Variants in MLLT3 observed in about 807,000 individuals in gnomAD.
MLLT3 encodes protein AF-9.
In MLLT3, 4 loss-of-function variants were observed where a neutral mutation model predicts 53.2. The observed-to-expected ratio is 0.08, with a 90% CI of 0.04 to 0.17. The LOEUF is 0.17. MLLT3 is among the 10% of genes least tolerant of loss of function. The pLI, the probability that MLLT3 is intolerant of heterozygous loss-of-function variation, is 1.00. For synonymous variants in MLLT3, 283 were observed against 230.6 expected, an observed-to-expected ratio of 1.23 and a Z score of -2.06; for missense variants, 569 against 684.0, an observed-to-expected ratio of 0.83 and a Z score of 1.87.
chr9:20,517,124 A>G lies in MLLT3; in HGVS notation c.194-60338T>C, dbSNP rs1817935837. Among the ~76,000 whole-genome samples, 2 of 152,210 alleles carry G rather than the reference A, an allele frequency of 1.3e-5. 1 individual carries two copies. Among genetic ancestry groups the G allele is most frequent in the Admixed American group, 1.3e-4 (2 of 15,286 alleles). On this transcript the variant is annotated intron_variant, in intron 2 of 10. Coordinates refer to ENST00000380338, the MANE Select transcript of MLLT3 (RefSeq NM_004529.4). ...TTGTTTCAGACTTCAAGGAGCTCTT[A>G]GCCTAGTATTATATAATATTTACTG...
chr9:20,406,241 C>T (rs985487945), intron 5 of MLLT3, among the ~76,000 whole-genome samples: 13 of 152,158 alleles, frequency 8.5e-5, no homozygotes, highest in Non-Finnish European at 8.8e-5. Context: ...GAGACCCTGT[C>T]TCAAAAATAA....
At chr9:20,551,085 C>G (rs1486848079) in intron 2 of MLLT3, among the ~76,000 whole-genome samples, 1 of 152,142 alleles carries the variant, frequency 6.6e-6, no homozygotes, top group Non-Finnish European at 1.5e-5. Flanking sequence ...TTTAAATGGC[C>G]AATTCGGCTG....
At chr9:20,557,588 T>C (rs1038483021) in intron 2 of MLLT3, among the ~76,000 whole-genome samples, 2 of 152,200 alleles carry the variant, frequency 1.3e-5, no homozygotes, top group African/African-American at 4.8e-5. Context: ...AAATTGCTAC[T>C]TCCTCACCTA....
intron 5 of MLLT3, among the ~76,000 whole-genome samples, chr9:20,401,741 T>C (rs1044081173): frequency 5.9e-5 from 9 of 152,344 alleles, no homozygotes; most frequent in African/African-American, 2.2e-4. Context: ...CCAGATTCAG[T>C]CACAGAATAA....
chr9:20,505,060 C>T (rs1825350666), intron 2 of MLLT3, among the ~76,000 whole-genome samples: 1 of 152,150 alleles, frequency 6.6e-6, no homozygotes, highest in South Asian at 2.1e-4. Flanking sequence ...GATGCAAGAA[C>T]ATCCAATTTA....
intron 2 of MLLT3, among the ~76,000 whole-genome samples, chr9:20,575,890 G>C (rs1012529913): frequency 6.6e-6 from 1 of 152,204 alleles, no homozygotes. Context: ...CCCTTAACAA[G>C]AAAGTAAGTC....
intron 2 of MLLT3, among the ~76,000 whole-genome samples, chr9:20,594,249 CTTAAA>C (rs1267904481): frequency 4.6e-5 from 7 of 151,988 alleles, no homozygotes; most frequent in African/African-American, 9.7e-5. Flanking sequence ...CCAATGTTCT[CTTAAA>C]TTAAACATTT....
intron 5 of MLLT3, among the ~76,000 whole-genome samples, chr9:20,413,455 G>A (rs1822782238): frequency 6.6e-6 from 1 of 152,084 alleles, no homozygotes; most frequent in African/African-American, 2.4e-5. Flanking sequence ...AAAATTTTCT[G>A]CTGCTATTCA....
At chr9:20,365,478 C>T (rs1335345232) in intron 6 of MLLT3, among the ~76,000 whole-genome samples, 191 bp downstream of exon 6, 3 of 152,224 alleles carry the variant, frequency 2.0e-5, no homozygotes, top group Non-Finnish European at 4.4e-5. Context: ...GCTGGGACTA[C>T]AGGCGCATGC....
chr9:20,346,585 G>C lies in MLLT3; in HGVS notation c.1576-11C>G, dbSNP rs764525475. 6.2e-7 allele frequency: 1 copy of C among 1,609,156 alleles called. No homozygotes were observed. The highest frequency in any genetic ancestry group is 8.5e-7 in the Non-Finnish European group (1 of 1,178,270). On this transcript the variant is annotated splice_polypyrimidine_tract_variant and intron_variant, in intron 10 of 10. Coordinates refer to ENST00000380338, the MANE Select transcript of MLLT3 (RefSeq NM_004529.4). The stretch of plus-strand genomic sequence containing the variant: ...TATAAGGTTCACGATCTAGAGGAGT[G>C]AAGAAGAGAAAGTTTGGGCAATACG...
chr9:20,573,183 G>T (rs1347344331), intron 2 of MLLT3, among the ~76,000 whole-genome samples: 332 of 65,614 alleles, frequency 5.1e-3, no homozygotes, highest in Non-Finnish European at 8.9e-3. Flanking sequence ...GTTTTTTTTT[G>T]TTTTGTTTTT....
rs1236340501 is a variant in MLLT3 at position 20,345,874 on chromosome 9, G to A, written c.*569C>T. On this transcript the variant is annotated 3_prime_UTR_variant, in exon 11 of 11. Transcript: ENST00000380338. ...AAATACAGACTGCAACGAGTTAAAG[G>A]ACTTGGAAAAAGTTGGTGGAAAGTG... is the stretch of plus-strand genomic sequence containing the variant. 1 of 229,376 alleles carries A rather than the reference G, an allele frequency of 4.4e-6. No individual in the cohort carries two copies. Among genetic ancestry groups the A allele is most frequent in the Non-Finnish European group, 8.7e-6 (1 of 115,268 alleles). The allele number at this position is 229,376 out of a possible 1,614,324, so 14.2% of individuals were successfully genotyped here.
chr9:20,413,879 C>A lies in MLLT3; in HGVS notation c.967G>T (p.Asp323Tyr). 1 of 1,613,968 alleles carries A rather than the reference C, an allele frequency of 6.2e-7. No individual in the cohort carries two copies. Among genetic ancestry groups the A allele is most frequent in the Non-Finnish European group, 8.5e-7 (1 of 1,179,986 alleles). ...GATTTATCTTTTATCTGTTTTTTGT[C>A]AGCAGAACAAGTGAGTATCAGTGGT... ...APPLILTCSADKKQIKDKSHV... is the reference protein window; with the variant it reads ...APPLILTCSAYKKQIKDKSHV... The change falls in exon 5 of 11, where the codon GAC (aspartate) becomes TAC (tyrosine). Residue 323 changes from aspartate (D) to tyrosine (Y), a missense_variant. Physicochemically the swap from Asp to Tyr is radical, Grantham distance 160. Transcript: ENST00000380338.
At chr9:20,523,184 TATTAGA>T (rs1587022886) in intron 2 of MLLT3, among the ~76,000 whole-genome samples, 1 of 152,176 alleles carries the variant, frequency 6.6e-6, no homozygotes, top group East Asian at 1.9e-4. Flanking sequence ...TCTACACACC[TATTAGA>T]ATAGCCAAAT....
At chr9:20,542,274 T>G (rs185121610) in intron 2 of MLLT3, among the ~76,000 whole-genome samples, 18 of 149,668 alleles carry the variant, frequency 1.2e-4, no homozygotes, top group African/African-American at 3.5e-4. Flanking sequence ...GACGGAGTCT[T>G]GCTCTGTCGC....
intron 2 of MLLT3, among the ~76,000 whole-genome samples, chr9:20,516,534 T>C (rs1172183049): frequency 6.6e-6 from 1 of 152,234 alleles, no homozygotes; most frequent in African/African-American, 2.4e-5. Context: ...ATAACTGTCA[T>C]GCCAAAGGCA....
rs76878079 is a variant in MLLT3, at chr9:20,546,803, G to A, written c.193+73851C>T. On this transcript the variant is annotated intron_variant, in intron 2 of 10. Transcript: ENST00000380338. ...ACAGGCAGGGGCCATACAGGGGATCGAGGCTCTTTGTTTCGGGTTGAACGA... is the reference window on the plus strand; with the variant it reads ...ACAGGCAGGGGCCATACAGGGGATCAAGGCTCTTTGTTTCGGGTTGAACGA... Among the ~76,000 whole-genome samples the A allele has an allele frequency of 4.5e-3, 682 of 152,338 alleles. 17 individuals carry two copies. In the East Asian group the frequency reaches 0.067, roughly 15 times the overall value.
chr9:20,363,158 C>G (rs548011751), intron 7 of MLLT3: 1 of 223,568 alleles, frequency 4.5e-6, no homozygotes, highest in East Asian at 9.8e-5. Flanking sequence ...AGCAGTGGAT[C>G]AACACAAACT....
At chr9:20,481,802 A>G (rs1563779426) in intron 2 of MLLT3, among the ~76,000 whole-genome samples, 1 of 152,210 alleles carries the variant, frequency 6.6e-6, no homozygotes, top group Non-Finnish European at 1.5e-5. Flanking sequence ...TACTTACCAA[A>G]GTCAAAATTG....
Sources: allele counts gnomAD v4.1 joint callset (sites outside exome capture counted in the v4.1 genomes callset), GRCh38; gene constraint gnomAD v4.1.1; transcripts MANE v1.5; gene names NCBI Gene and HGNC (gene_info 2026-07-23, HGNC 2026-07-21).